BRINP3: variants seen among roughly 807,000 people sequenced by gnomAD.
The protein encoded by BRINP3 is BMP/retinoic acid-inducible neural-specific protein 3.
Under a neutral mutation model 71.0 loss-of-function variants are expected in BRINP3, and 19 were observed. The observed-to-expected ratio is 0.27, with a 90% CI of 0.19 to 0.39. The LOEUF (loss-of-function observed/expected upper bound fraction) is 0.39, where lower values mean the gene tolerates loss of function less well. Among genes scored for constraint, BRINP3 ranks in the 10% least tolerant of loss-of-function variants. The pLI, the probability that BRINP3 is intolerant of heterozygous loss-of-function variation, is 1.00. For missense variants in BRINP3, 959 were observed against 940.8 expected (o/e 1.02, Z -0.25); for synonymous variants, 380 against 337.7 (o/e 1.13, Z -1.37).
chr1:190,455,935 A>G (rs777420349), intron 1 of BRINP3, among the ~76,000 whole-genome samples: 2 of 152,220 alleles, frequency 1.3e-5, no homozygotes, highest in Middle Eastern at 3.4e-3. Context: ...TTTGAATTCA[A>G]TTTTTCTTTC....
chr1:190,403,423 A>G (rs1289311188), intron 2 of BRINP3, among the ~76,000 whole-genome samples: 1 of 152,214 alleles, frequency 6.6e-6, no homozygotes, highest in African/African-American at 2.4e-5. Context: ...CCCATTTTCT[A>G]ACAGGGTGAA....
intron 7 of BRINP3, among the ~76,000 whole-genome samples, chr1:190,101,933 G>A (rs933254881): frequency 6.6e-5 from 10 of 152,136 alleles, no homozygotes; most frequent in African/African-American, 2.4e-4. Context: ...ATACATTATG[G>A]AAGGAAAGCG....
chr1:190,282,931 A>G (rs1012271667), intron 2 of BRINP3, among the ~76,000 whole-genome samples: 3 of 152,006 alleles, frequency 2.0e-5, no homozygotes, highest in Admixed American at 2.0e-4. Context: ...CAATTAGGCA[A>G]TATGTGAAAA....
chr1:190,288,557 T>A (rs531264757), intron 2 of BRINP3, among the ~76,000 whole-genome samples: 97 of 151,998 alleles, frequency 6.4e-4, no homozygotes, highest in Non-Finnish European at 1.2e-3. Context: ...ATAACCTCGG[T>A]GATATAAACA....
chr1:190,346,028 C>T (rs1303345604), intron 2 of BRINP3, among the ~76,000 whole-genome samples: 1 of 151,844 alleles, frequency 6.6e-6, no homozygotes, highest in African/African-American at 2.4e-5. Flanking sequence ...AAAATAGTGA[C>T]ATTTTAGAGC....
At chr1:190,238,505 G>T (rs1479484022) in intron 4 of BRINP3, among the ~76,000 whole-genome samples, 1 of 151,936 alleles carries the variant, frequency 6.6e-6, no homozygotes, top group Non-Finnish European at 1.5e-5. Context: ...TGACAAAAAA[G>T]ATATATAAAC....
chr1:190,439,438 A>T (rs1348891965), intron 2 of BRINP3, among the ~76,000 whole-genome samples: 1 of 151,982 alleles, frequency 6.6e-6, no homozygotes, highest in Non-Finnish European at 1.5e-5. Flanking sequence ...TTAACCAAAT[A>T]AGTCATGTCT....
intron 3 of BRINP3, among the ~76,000 whole-genome samples, chr1:190,277,711 T>C (rs954250256): frequency 7.9e-5 from 12 of 151,796 alleles, no homozygotes; most frequent in African/African-American, 2.7e-4. Flanking sequence ...TTGTCATATA[T>C]TGAATTATAA....
chr1:190,197,200 A>G (rs997212133), intron 6 of BRINP3, among the ~76,000 whole-genome samples: 1 of 151,952 alleles, frequency 6.6e-6, no homozygotes, highest in African/African-American at 2.4e-5. Context: ...ATGAGATTCA[A>G]TTACCTCCCA....
chr1:190,208,587 C>T (rs1431598148), intron 6 of BRINP3, among the ~76,000 whole-genome samples: 1 of 151,986 alleles, frequency 6.6e-6, no homozygotes, highest in Non-Finnish European at 1.5e-5. Context: ...CCTCTGTCTC[C>T]CGGTTCAAGC....
At chr1:190,447,754 T>A (rs1203776494) in intron 2 of BRINP3, among the ~76,000 whole-genome samples, 2 of 151,382 alleles carry the variant, frequency 1.3e-5, no homozygotes, top group African/African-American at 4.8e-5. Flanking sequence ...GGAGAAAGTA[T>A]GTTTCATTAT....
chr1:190,193,352 A>C (rs1335465656), intron 6 of BRINP3, among the ~76,000 whole-genome samples: 1 of 152,126 alleles, frequency 6.6e-6, no homozygotes, highest in Non-Finnish European at 1.5e-5. Flanking sequence ...AGTTTTGTGA[A>C]AGATAAAGAA....
At position 190,412,397 on chromosome 1, in the gene BRINP3, A is replaced by T. The variant is rs200926016; in HGVS notation, c.236+42258T>A. ...AACAAAGAAAAGATATATATATATTATATATATATATATATATACACTTTT... is the reference window on the plus strand; with the variant it reads ...AACAAAGAAAAGATATATATATATTTTATATATATATATATATACACTTTT... On this transcript the variant is annotated intron_variant, in intron 2 of 7. Coordinates refer to ENST00000367462, the MANE Select transcript of BRINP3 (RefSeq NM_199051.3). 5.2e-4 allele frequency among the ~76,000 whole-genome samples: 27 copies of T among 51,786 alleles called. No individual in the cohort carries two copies. The South Asian group carries it at 6.5e-3, about 13-fold the overall frequency. 34.0% of individuals were successfully genotyped at this position (51,786 alleles called of 152,430 possible).
At chr1:190,107,080 A>G (rs1652240038) in intron 7 of BRINP3, among the ~76,000 whole-genome samples, 1 of 151,910 alleles carries the variant, frequency 6.6e-6, no homozygotes, top group South Asian at 2.1e-4. Flanking sequence ...TGGTTTCTGA[A>G]AATCTTGAAT....
rs547802351 is a variant in BRINP3, at chr1:190,248,957, T to G, written c.619-14480A>C. On this transcript the variant is annotated intron_variant, in intron 4 of 7. Transcript: ENST00000367462. ...CTATAGTTCTCAAATTTTCAAGAATTTTCCCTATCAGCTATATTTCTTTAG... is the reference window on the plus strand; with the variant it reads ...CTATAGTTCTCAAATTTTCAAGAATGTTCCCTATCAGCTATATTTCTTTAG... Among the ~76,000 whole-genome samples, 95 of 152,046 alleles carry G rather than the reference T, an allele frequency of 6.2e-4. 2 individuals carry two copies. The South Asian group carries it at 0.019, about 31-fold the overall frequency.
At chr1:190,336,794 C>A (rs1667308962) in intron 2 of BRINP3, among the ~76,000 whole-genome samples, 1 of 132,374 alleles carries the variant, frequency 7.6e-6, no homozygotes, top group African/African-American at 2.9e-5. Flanking sequence ...CCCTCCCTCC[C>A]TTCCCTCCTT....
intron 7 of BRINP3, among the ~76,000 whole-genome samples, chr1:190,120,937 AAG>A (rs1653596396): frequency 6.6e-6 from 1 of 152,200 alleles, no homozygotes; most frequent in Admixed American, 6.5e-5. Flanking sequence ...TCTATAGACT[AAG>A]AACAAAAAAA....
rs773376544 is a variant in BRINP3 at position 190,420,462 on chromosome 1, AT to A, written c.236+34192del. 2.0e-5 allele frequency among the ~76,000 whole-genome samples: 3 copies of A among 151,962 alleles called. 1 individual carries two copies. The highest frequency in any genetic ancestry group is 2.9e-5 in the Non-Finnish European group (2 of 67,858). Reference sequence around the variant, plus strand: ...GTAGGCCAAAATCAAATGTCAAACAATCACTTTGTAACCCTAAGTTAACCAA... The same window carrying A: ...GTAGGCCAAAATCAAATGTCAAACAACACTTTGTAACCCTAAGTTAACCAA... On this transcript the variant is annotated intron_variant, in intron 2 of 7. Transcript: ENST00000367462.
chr1:190,196,972 T>C (rs1654540460), intron 6 of BRINP3, among the ~76,000 whole-genome samples: 1 of 150,782 alleles, frequency 6.6e-6, no homozygotes, highest in African/African-American at 2.4e-5. Context: ...TTATATATTA[T>C]TGTTTTAGTC....
Sources: gnomAD v4.1 joint callset for allele counts (sites outside exome capture counted in the v4.1 genomes callset) on GRCh38, gnomAD v4.1.1 for gene constraint, MANE v1.5 for transcripts, NCBI Gene and HGNC (gene_info 2026-07-23, HGNC 2026-07-21) for gene names.